SRPK2: variants seen among roughly 807,000 people sequenced by gnomAD.
The protein encoded by SRPK2 is SFRS protein kinase 2.
Under a neutral mutation model 90.8 loss-of-function variants are expected in SRPK2, and 21 were observed. The observed-to-expected ratio is 0.23, with a 90% CI of 0.16 to 0.33. The LOEUF (loss-of-function observed/expected upper bound fraction) is 0.33. SRPK2 is among the 10% of genes least tolerant of loss of function. The pLI, the probability that SRPK2 is intolerant of heterozygous loss-of-function variation, is 1.00. For missense variants in SRPK2, 620 were observed against 869.0 expected, an observed-to-expected ratio of 0.71 and a Z score of 3.60; for synonymous variants, 288 against 311.1, an observed-to-expected ratio of 0.93 and a Z score of 0.78.
intron 2 of SRPK2, among the ~76,000 whole-genome samples, chr7:105,312,450 A>AAAAAAC (rs1811823069): frequency 6.6e-6 from 1 of 151,558 alleles, no homozygotes; most frequent in South Asian, 2.1e-4. Flanking sequence ...AAAAAAAAAA[A>AAAAAAC]AAAACAAGCG....
At chr7:105,378,950 C>G (rs1261497385) in intron 2 of SRPK2, among the ~76,000 whole-genome samples, 1 of 151,852 alleles carries the variant, frequency 6.6e-6, no homozygotes, top group Non-Finnish European at 1.5e-5. Context: ...TCAATCAAAA[C>G]TACATCTTTG....
rs572686995 is a variant in SRPK2, at chr7:105,349,522, C to CAA, written c.71+39124_71+39125dup. The stretch of plus-strand genomic sequence containing the variant: ...GGGCAACAAGAGTGAAACTCCATCT[C>CAA]AAAAAAAAAAAAAAAAGAATTAGGA... On this transcript the variant is annotated intron_variant, in intron 2 of 15. Transcript: ENST00000393651. Among the ~76,000 whole-genome samples the CAA allele has an allele frequency of 9.8e-4, 87 of 88,922 alleles. 1 individual carries two copies. Among genetic ancestry groups the CAA allele is most frequent in the South Asian group, 3.1e-3 (9 of 2,906 alleles). The allele number at this position is 88,922 out of a possible 152,430, so 58.3% of individuals were successfully genotyped here. A position where few individuals can be genotyped will look rare whatever the true frequency, so the allele number is the denominator to read the frequency against.
At chr7:105,278,113 C>T (rs559853799) in intron 2 of SRPK2, among the ~76,000 whole-genome samples, 4 of 151,844 alleles carry the variant, frequency 2.6e-5, no homozygotes, top group Admixed American at 6.6e-5. Context: ...ATCAGGAATT[C>T]GAAACCAGCC....
chr7:105,216,652 CT>C (rs1389417683), intron 2 of SRPK2, among the ~76,000 whole-genome samples: 8 of 66,572 alleles, frequency 1.2e-4, no homozygotes, highest in Non-Finnish European at 2.9e-4. Flanking sequence ...GAGACCCTGT[CT>C]CCAAAAAAAA....
Position 105,160,520 on chromosome 7 carries a change from C to G in SRPK2, c.608G>C (p.Ser203Thr). The G allele has an allele frequency of 6.2e-7, 1 of 1,611,988 alleles. No individual in the cohort carries two copies. The highest frequency in any genetic ancestry group is 8.5e-7 in the Non-Finnish European group (1 of 1,178,094). The change falls in exon 7 of 16, where the codon AGT becomes ACT. Residue 203 changes from serine to threonine, a missense_variant. Coordinates refer to ENST00000393651, the MANE Select transcript of SRPK2 (RefSeq NM_182692.3). ...YQGLPVRCVK[S>T]IIRQVLQGLD... is the part of the protein sequence containing the mutation. ...CAAAAGTCTCACCTGTCGAATGATACTCTTCACACAACGTACTGGGAGGCC... is the reference window on the plus strand; with the variant it reads ...CAAAAGTCTCACCTGTCGAATGATAGTCTTCACACAACGTACTGGGAGGCC...
intron 2 of SRPK2, among the ~76,000 whole-genome samples, chr7:105,384,039 G>A (rs1237308611): frequency 6.6e-6 from 1 of 152,116 alleles, no homozygotes; most frequent in Non-Finnish European, 1.5e-5. Context: ...ATTAGATAAC[G>A]GCTGCACAAT....
intron 7 of SRPK2, among the ~76,000 whole-genome samples, chr7:105,151,103 A>G (rs10256116): frequency 6.6e-6 from 1 of 151,912 alleles, no homozygotes; most frequent in African/African-American, 2.4e-5. Context: ...GATTTTTTTT[A>G]AAAAAAATTG....
At chr7:105,338,051 T>TAA (rs948810606) in intron 2 of SRPK2, among the ~76,000 whole-genome samples, 1 of 136,568 alleles carries the variant, frequency 7.3e-6, no homozygotes, top group African/African-American at 2.7e-5. Context: ...TTCCTATAAT[T>TAA]AAAAAAAACT....
At chr7:105,340,774 A>G (rs544249114) in intron 2 of SRPK2, among the ~76,000 whole-genome samples, 1 of 152,244 alleles carries the variant, frequency 6.6e-6, no homozygotes, top group African/African-American at 2.4e-5. Flanking sequence ...ATGAAGCAAG[A>G]CTGTCAATTA....
At chr7:105,174,154 A>C (rs1791531358) in intron 3 of SRPK2, among the ~76,000 whole-genome samples, 1 of 151,962 alleles carries the variant, frequency 6.6e-6, no homozygotes, top group African/African-American at 2.4e-5. Context: ...GTAACCATTA[A>C]ATTCATTGCT....
At chr7:105,387,213 G>A (rs1356531991) in intron 2 of SRPK2, among the ~76,000 whole-genome samples, 1 of 152,162 alleles carries the variant, frequency 6.6e-6, no homozygotes, top group Non-Finnish European at 1.5e-5. Context: ...AACAGACTAC[G>A]TGGAATTAAA....
intron 1 of SRPK2, among the ~76,000 whole-genome samples, chr7:105,395,547 T>C (rs1412849543): frequency 2.0e-5 from 3 of 152,064 alleles, no homozygotes; most frequent in African/African-American, 7.2e-5. Flanking sequence ...CCGGACAACA[T>C]GGTGAAACCC....
intron 2 of SRPK2, among the ~76,000 whole-genome samples, chr7:105,382,682 T>G (rs1446320545): frequency 6.6e-6 from 1 of 152,068 alleles, no homozygotes; most frequent in Non-Finnish European, 1.5e-5. Context: ...ATAATTCCAT[T>G]TATATAACAT....
intron 2 of SRPK2, among the ~76,000 whole-genome samples, chr7:105,312,080 T>C (rs895903641): frequency 3.3e-5 from 5 of 151,976 alleles, no homozygotes; most frequent in African/African-American, 4.8e-5. Flanking sequence ...CAAAAATAAA[T>C]AAAAATTAAA....
intron 11 of SRPK2, among the ~76,000 whole-genome samples, chr7:105,136,249 G>GTAC (rs1802794046): frequency 6.6e-6 from 1 of 152,172 alleles, no homozygotes; most frequent in Non-Finnish European, 1.5e-5. Context: ...ACAACAGGAG[G>GTAC]TAAAAGAGAT....
intron 2 of SRPK2, among the ~76,000 whole-genome samples, chr7:105,357,748 A>C (rs1225416379): frequency 6.7e-6 from 1 of 149,152 alleles, no homozygotes; most frequent in Non-Finnish European, 1.5e-5. Context: ...CCGTCTCAAA[A>C]AACAAAAAAA....
chr7:105,203,821 A>T, intron 2 of SRPK2, 36 bp from the exon 3 acceptor site: 2 of 1,551,668 alleles, frequency 1.3e-6, no homozygotes, highest in East Asian at 4.9e-5. Context: ...ATTTACTTAG[A>T]AGTACATCTT....
At chr7:105,269,079 T>C (rs1805483586) in intron 2 of SRPK2, 4 of 1,211,170 alleles carry the variant, frequency 3.3e-6, no homozygotes, top group Non-Finnish European at 3.1e-6. Context: ...TGACTGTTTA[T>C]GAAAGCAGGA....
At chr7:105,146,899 TAC>T (rs1394992965) in intron 7 of SRPK2, among the ~76,000 whole-genome samples, 1 of 152,182 alleles carries the variant, frequency 6.6e-6, no homozygotes, top group Non-Finnish European at 1.5e-5. Flanking sequence ...TGCATCTACA[TAC>T]AGTTGAACCT....
Sources: allele counts gnomAD v4.1 joint callset (sites outside exome capture counted in the v4.1 genomes callset), GRCh38; gene constraint gnomAD v4.1.1; transcripts MANE v1.5; gene names NCBI Gene and HGNC (gene_info 2026-07-23, HGNC 2026-07-21).